The following ITGB5 variants were observed in gnomAD, a reference collection of about 807,000 sequenced individuals.
ITGB5 encodes integrin subunit beta 5, also known as integrin beta-5.
A neutral mutation model predicts 84.8 loss-of-function variants in ITGB5; 38 were observed. The observed-to-expected ratio is 0.45, with a 90% CI of 0.35 to 0.59. The LOEUF (loss-of-function observed/expected upper bound fraction) is 0.59, where lower values mean the gene tolerates loss of function less well. Among genes scored for constraint, ITGB5 ranks in the 20% least tolerant of loss-of-function variants. The pLI is 0.01. For synonymous variants in ITGB5, 393 were observed against 414.4 expected, an observed-to-expected ratio of 0.95 and a Z score of 0.63; for missense variants, 905 against 1,034.5, an observed-to-expected ratio of 0.87 and a Z score of 1.72.
In ITGB5 at chr3:124,879,539, T is replaced by C. The variant is rs1178931725; in HGVS notation, c.71-6008A>G. Among the ~76,000 whole-genome samples the C allele has an allele frequency of 3.9e-5, 6 of 152,334 alleles. No individual in the cohort carries two copies. In the East Asian group the frequency reaches 9.6e-4, roughly 24 times the overall value. On this transcript the variant is annotated intron_variant, in intron 1 of 14. Transcript: ENST00000296181. Reference sequence around the variant, plus strand: ...GCAAATATGCCCTAGGAAGGTTCTATCCCAGCAGTTCTCATTCAAGACTGC... The same window carrying C: ...GCAAATATGCCCTAGGAAGGTTCTACCCCAGCAGTTCTCATTCAAGACTGC...
At position 124,763,063 on chromosome 3, in the gene ITGB5, T is replaced by C. The variant is rs1284978684; in HGVS notation, c.*560A>G. On this transcript the variant is annotated 3_prime_UTR_variant, in exon 15 of 15. Transcript: ENST00000296181. ...CACGGACAGGAGAGGAAACTGACAT[T>C]TGCAAACGATGTACCTTCAACAGGC... is the stretch of plus-strand genomic sequence containing the variant. 1.3e-5 allele frequency: 2 copies of C among 152,294 alleles called. No individual in the cohort carries two copies. Among genetic ancestry groups the C allele is most frequent in the Non-Finnish European group, 2.9e-5 (2 of 68,102 alleles). The allele number at this position is 152,294 out of a possible 1,614,324, so 9.4% of individuals were successfully genotyped here.
intron 1 of ITGB5, among the ~76,000 whole-genome samples, chr3:124,896,142 G>A (rs186581178): frequency 9.8e-5 from 15 of 152,294 alleles, no homozygotes; most frequent in Middle Eastern, 3.4e-3. Flanking sequence ...CCTGTCTTAC[G>A]GGTGGACTCT....
At chr3:124,890,228 G>C (rs1934969296), upstream of ITGB5, among the ~76,000 whole-genome samples, 1 of 142,876 alleles carries the variant, frequency 7.0e-6, no homozygotes, top group Non-Finnish European at 1.5e-5. Flanking sequence ...TTTGGAGACG[G>C]AGTCTCGCTC....
At chr3:124,764,156 G>GCCTCTGCCCCCATGACCTT (rs2063733292) in intron 14 of ITGB5, among the ~76,000 whole-genome samples, 1 of 152,150 alleles carries the variant, frequency 6.6e-6, no homozygotes, top group Non-Finnish European at 1.5e-5. Flanking sequence ...CACGCCCAGC[G>GCCTCTGCCCCCATGACCTT]CCTCTGCCCC....
chr3:124,868,241 G>A (rs552021599), intron 2 of ITGB5, among the ~76,000 whole-genome samples: 36 of 152,080 alleles, frequency 2.4e-4, no homozygotes, highest in Non-Finnish European at 4.3e-4. Flanking sequence ...AGCAATGTGA[G>A]AACAGACTAA....
chr3:124,854,846 A>T (rs113725504), intron 3 of ITGB5, among the ~76,000 whole-genome samples: 6 of 152,178 alleles, frequency 3.9e-5, no homozygotes, highest in African/African-American at 1.4e-4. Context: ...CCTTCCTGAG[A>T]CTTACCTTGG....
chr3:124,801,582 G>A (rs2064317131), intron 9 of ITGB5, among the ~76,000 whole-genome samples: 1 of 152,164 alleles, frequency 6.6e-6, no homozygotes, highest in Non-Finnish European at 1.5e-5. Context: ...CTTGTCCACA[G>A]GCCAGACCCT....
intron 5 of ITGB5, among the ~76,000 whole-genome samples, chr3:124,834,395 A>G (rs1579269411): frequency 6.6e-6 from 1 of 151,370 alleles, no homozygotes; most frequent in East Asian, 1.9e-4. Context: ...GCTATAAAAA[A>G]TAAAATCTAC....
At chr3:124,766,495 T>C in intron 12 of ITGB5, 150 bp from the exon 13 acceptor site, 2 of 907,066 alleles carry the variant, frequency 2.2e-6, no homozygotes, top group Non-Finnish European at 3.3e-6. Flanking sequence ...CCTTTGAAGA[T>C]GAGTTCAGTT....
chr3:124,852,319 T>C (rs571222121), intron 3 of ITGB5, among the ~76,000 whole-genome samples: 3 of 152,160 alleles, frequency 2.0e-5, no homozygotes, highest in African/African-American at 7.2e-5. Flanking sequence ...CTGGGGCTGT[T>C]CCACGTAATT....
At chr3:124,798,199 C>G (rs866567014) in intron 9 of ITGB5, among the ~76,000 whole-genome samples, 1 of 151,472 alleles carries the variant, frequency 6.6e-6, no homozygotes, top group South Asian at 2.1e-4. Context: ...ATTACAGGTG[C>G]GCGCCACCAC....
chr3:124,822,470 A>G (rs2064721839), intron 5 of ITGB5, among the ~76,000 whole-genome samples: 1 of 152,234 alleles, frequency 6.6e-6, no homozygotes, highest in South Asian at 2.1e-4. Flanking sequence ...GATGAAGAGT[A>G]GAGGGTATCA....
intron 12 of ITGB5, among the ~76,000 whole-genome samples, chr3:124,768,136 A>G (rs1237272885): frequency 6.6e-6 from 1 of 152,194 alleles, no homozygotes; most frequent in Non-Finnish European, 1.5e-5. Flanking sequence ...GGAAGTCTAC[A>G]AAAGATGTAC....
intron 3 of ITGB5, among the ~76,000 whole-genome samples, chr3:124,851,608 AACACACACACAC>A (rs3836319): frequency 0.024 from 3,490 of 146,030 alleles, 128 homozygotes; most frequent in African/African-American, 0.083. Context: ...TCAGTAAGAA[AACACACACACAC>A]ACACACACAC....
intron 1 of ITGB5, among the ~76,000 whole-genome samples, chr3:124,895,462 C>T (rs1935083701): frequency 6.6e-6 from 1 of 152,172 alleles, no homozygotes; most frequent in African/African-American, 2.4e-5. Context: ...TGGGCTCAAG[C>T]AATCCTCCTG....
At chr3:124,883,440 T>G (rs537708138) in intron 1 of ITGB5, among the ~76,000 whole-genome samples, 4 of 152,236 alleles carry the variant, frequency 2.6e-5, no homozygotes, top group African/African-American at 9.6e-5. Flanking sequence ...AAAATGTAAA[T>G]CCATAGGATA....
chr3:124,900,019 T>G (rs1348126295), intron 1 of ITGB5, among the ~76,000 whole-genome samples: 1 of 152,174 alleles, frequency 6.6e-6, no homozygotes, highest in African/African-American at 2.4e-5. Context: ...GCCATTAACC[T>G]GAGAGCTCCA....
intron 10 of ITGB5, 75 bp from the exon 11 acceptor site, chr3:124,773,987 T>A: frequency 7.5e-7 from 1 of 1,332,672 alleles, no homozygotes; most frequent in Non-Finnish European, 1.1e-6. Context: ...GTGCCCCACA[T>A]GCCAGGACTG....
intron 10 of ITGB5, among the ~76,000 whole-genome samples, chr3:124,784,553 G>A (rs1387704874): frequency 6.6e-6 from 1 of 152,182 alleles, no homozygotes; most frequent in Non-Finnish European, 1.5e-5. Context: ...CATGTCACAG[G>A]GAGATTAAGG....
Sources: gnomAD v4.1 joint callset for allele counts (sites outside exome capture counted in the v4.1 genomes callset) on GRCh38, gnomAD v4.1.1 for gene constraint, MANE v1.5 for transcripts, NCBI Gene and HGNC (gene_info 2026-07-23, HGNC 2026-07-21) for gene names.